The following PLCXD1 variants were observed in gnomAD, a reference collection of about 807,000 sequenced individuals.
The protein encoded by PLCXD1 is PI-PLC X domain-containing protein 1.
In PLCXD1, 45 loss-of-function variants were observed where a neutral mutation model predicts 37.8. That is an observed-to-expected ratio of 1.19 (90% CI 0.94 to 1.53). PLCXD1 has a LOEUF of 1.53. PLCXD1 is among the 40% of genes most tolerant of loss of function. PLCXD1 has a pLI of 0.00. For synonymous variants in PLCXD1, 246 were observed against 206.9 expected, an observed-to-expected ratio of 1.19 and a Z score of -1.62; for missense variants, 539 against 454.7, an observed-to-expected ratio of 1.19 and a Z score of -1.69.
chrX:282,934 TTA>T (rs199798753), intron 1 of PLCXD1, among the ~76,000 whole-genome samples: 1,376 of 118,328 alleles, frequency 0.012, 23 homozygotes, highest in African/African-American at 0.044. Flanking sequence ...TACATGTATG[TTA>T]TATATATATT....
chrX:296,902 G>A (rs2069830689), intron 6 of PLCXD1, among the ~76,000 whole-genome samples: 1 of 139,100 alleles, frequency 7.2e-6, no homozygotes, highest in Non-Finnish European at 1.6e-5. Context: ...ATTAGGACGT[G>A]GACATCTTTG....
At chrX:283,907 G>C in intron 1 of PLCXD1, 1 of 310,882 alleles carries the variant, frequency 3.2e-6, no homozygotes, top group Non-Finnish European at 5.9e-6. Context: ...TGGATATGGA[G>C]TTTCACTCTT....
chrX:280,314 A>C (rs868098273), upstream of PLCXD1, among the ~76,000 whole-genome samples: 10 of 114,270 alleles, frequency 8.8e-5, no homozygotes, highest in Admixed American at 1.9e-4. Context: ...GTGCAGGGGG[A>C]AGGGAGGCCG....
upstream of PLCXD1, among the ~76,000 whole-genome samples, chrX:278,316 G>C (rs2069195119): frequency 6.6e-6 from 1 of 152,236 alleles, no homozygotes; most frequent in East Asian, 1.9e-4. Context: ...AGCCGGAATG[G>C]ATGGAATCCG....
chrX:283,001 ATTATATATG>A (rs1346383465), intron 1 of PLCXD1, among the ~76,000 whole-genome samples: 1 of 146,600 alleles, frequency 6.8e-6, no homozygotes, highest in Non-Finnish European at 1.5e-5. Flanking sequence ...ATATGTATAT[ATTATATATG>A]TTATATATAT....
At chrX:296,982 A>T (rs868595714) in intron 6 of PLCXD1, among the ~76,000 whole-genome samples, 2 of 49,638 alleles carry the variant, frequency 4.0e-5, no homozygotes, top group Non-Finnish European at 7.0e-5. Flanking sequence ...TCTGTCTATC[A>T]CATGGGGATT....
In PLCXD1 at chrX:289,133, G is replaced by C; in HGVS notation, c.264+264G>C. The stretch of plus-strand genomic sequence containing the variant: ...ACAGGGTCTCACTCTTCTTACCCGG[G>C]CTGGAGTGCAGTGGCGTGATCTCGG... On this transcript the variant is annotated intron_variant, in intron 3 of 6. Transcript: ENST00000381657. Among the ~76,000 whole-genome samples, 4 of 152,248 alleles carry C rather than the reference G, an allele frequency of 2.6e-5. No individual in the cohort carries two copies. The Middle Eastern group carries it at 0.01, about 388-fold the overall frequency.
chrX:299,060 G>A (rs767916780), intron 6 of PLCXD1, 37 bp from the exon 7 acceptor site: 8 of 1,495,354 alleles, frequency 5.3e-6, no homozygotes, highest in East Asian at 2.3e-5. Flanking sequence ...GGTGAGGCCC[G>A]TGACCGTGTA....
At chrX:290,255 A>G (rs187306289) in intron 3 of PLCXD1, among the ~76,000 whole-genome samples, 11,258 of 151,946 alleles carry the variant, frequency 0.074, 538 homozygotes, top group Non-Finnish European at 0.11. Context: ...TTGAAACCAC[A>G]TCTCTACTAA....
In PLCXD1 at chrX:299,412, G is replaced by A. The variant is rs143196385; in HGVS notation, c.*77G>A. Reference sequence around the variant, plus strand: ...TTCCAAGTATTGTGACTTTGTTTGGGCCAAATGTTGGTGATCATAGGACCG... The same window carrying A: ...TTCCAAGTATTGTGACTTTGTTTGGACCAAATGTTGGTGATCATAGGACCG... On this transcript the variant is annotated 3_prime_UTR_variant, in exon 7 of 7. Coordinates refer to ENST00000381657, the MANE Select transcript of PLCXD1 (RefSeq NM_018390.4). 6,437 of 1,031,560 alleles carry A rather than the reference G, an allele frequency of 6.2e-3. 205 individuals carry two copies. The African/African-American group carries it at 0.079, about 13-fold the overall frequency. 63.9% of individuals were successfully genotyped at this position (1,031,560 alleles called of 1,614,324 possible).
chrX:282,911 TG>T (rs1318035191), intron 1 of PLCXD1, among the ~76,000 whole-genome samples: 1 of 143,238 alleles, frequency 7.0e-6, no homozygotes, highest in East Asian at 2.0e-4. Context: ...ATATTATATA[TG>T]TATATATGTT....
rs562024491 is a variant in PLCXD1 at position 281,636 on chromosome X, C to G, written c.-70C>G. 2.6e-5 allele frequency: 4 copies of G among 152,212 alleles called. No homozygotes were observed. The highest frequency in any genetic ancestry group is 3.9e-4 in the East Asian group (2 of 5,164). 9.4% of individuals were successfully genotyped at this position (152,212 alleles called of 1,614,324 possible). On this transcript the variant is annotated 5_prime_UTR_variant, in exon 1 of 7. Transcript: ENST00000381657. ...GAGACCAGGCCTTTCATTCTGGGCT[C>G]GAGACCAACAATTCGAATTCCGAAC...
intron 6 of PLCXD1, among the ~76,000 whole-genome samples, chrX:293,524 C>T: frequency 6.6e-6 from 1 of 152,276 alleles, no homozygotes; most frequent in Middle Eastern, 3.4e-3. Flanking sequence ...CTTTGGGAGG[C>T]TGAGGCGGGC....
chrX:284,891 C>T (rs1350173173), intron 2 of PLCXD1, among the ~76,000 whole-genome samples: 1 of 152,150 alleles, frequency 6.6e-6, no homozygotes, highest in East Asian at 1.9e-4. Context: ...GCCCTTTGTA[C>T]AACCATCAGA....
chrX:276,823 G>A (rs1260122647), upstream of PLCXD1, among the ~76,000 whole-genome samples: 1 of 152,138 alleles, frequency 6.6e-6, no homozygotes, highest in African/African-American at 2.4e-5. Flanking sequence ...TGGGATCTGA[G>A]CACCCCTGTC....
intron 3 of PLCXD1, among the ~76,000 whole-genome samples, 170 bp downstream of exon 3, chrX:289,039 G>A (rs2069545339): frequency 6.6e-6 from 1 of 152,148 alleles, no homozygotes; most frequent in South Asian, 2.1e-4. Flanking sequence ...AAAACCTGCT[G>A]CCCACCCAGA....
At chrX:288,227 G>T (rs1342545217) in intron 2 of PLCXD1, among the ~76,000 whole-genome samples, 1 of 152,060 alleles carries the variant, frequency 6.6e-6, no homozygotes, top group Non-Finnish European at 1.5e-5. Context: ...CCATTCACAG[G>T]TTCTGGGCAG....
chrX:291,195 G>C (rs982340592), intron 4 of PLCXD1, among the ~76,000 whole-genome samples: 1 of 151,506 alleles, frequency 6.6e-6, no homozygotes, highest in Non-Finnish European at 1.5e-5. Flanking sequence ...GCCCAGGCTG[G>C]AGTGCAGTGG....
At chrX:279,935 C>T (rs1382842169), upstream of PLCXD1, among the ~76,000 whole-genome samples, 13 of 152,100 alleles carry the variant, frequency 8.5e-5, no homozygotes, top group East Asian at 5.8e-4. Flanking sequence ...CTGCAACCTC[C>T]GCCTCCCGGG....
Sources: gnomAD v4.1 joint callset for allele counts (sites outside exome capture counted in the v4.1 genomes callset) on GRCh38, gnomAD v4.1.1 for gene constraint, MANE v1.5 for transcripts, NCBI Gene and HGNC (gene_info 2026-07-23, HGNC 2026-07-21) for gene names.